The following RCAN2 variants were observed in gnomAD, a reference collection of about 807,000 sequenced individuals.
The protein encoded by RCAN2 is regulator of calcineurin 2.
Under a neutral mutation model 23.6 loss-of-function variants are expected in RCAN2, and 9 were observed. The ratio of observed to expected loss-of-function variants is 0.38; its 90% CI spans 0.23 to 0.67. RCAN2 has a LOEUF of 0.67. Among genes scored for constraint, RCAN2 ranks in the 30% least tolerant of loss-of-function variants. The pLI is 0.51. For missense variants in RCAN2, 273 were observed against 302.3 expected, an observed-to-expected ratio of 0.90 and a Z score of 0.72; for synonymous variants, 109 against 115.7, an observed-to-expected ratio of 0.94 and a Z score of 0.37.
At chr6:46,395,185 C>T (rs373727609) in intron 2 of RCAN2, among the ~76,000 whole-genome samples, 3 of 152,102 alleles carry the variant, frequency 2.0e-5, no homozygotes, top group Non-Finnish European at 4.4e-5. Flanking sequence ...ATTCAGGGTG[C>T]AACTCAGGCA....
At chr6:46,269,880 A>G (rs1767468622) in intron 2 of RCAN2, among the ~76,000 whole-genome samples, 1 of 152,074 alleles carries the variant, frequency 6.6e-6, no homozygotes, top group Non-Finnish European at 1.5e-5. Context: ...CCAGTTCAGG[A>G]TCTTATGTTC....
At chr6:46,437,974 T>G (rs1767421179) in intron 2 of RCAN2, among the ~76,000 whole-genome samples, 1 of 152,148 alleles carries the variant, frequency 6.6e-6, no homozygotes, top group South Asian at 2.1e-4. Context: ...AGGAGAAAAT[T>G]AGGACACATG....
chr6:46,362,470 G>A (rs1765045726), intron 2 of RCAN2, among the ~76,000 whole-genome samples: 1 of 152,058 alleles, frequency 6.6e-6, no homozygotes, highest in Admixed American at 6.5e-5. Context: ...GAAAATGTTA[G>A]TCAATGGGAT....
At chr6:46,363,110 A>T (rs190419283) in intron 2 of RCAN2, among the ~76,000 whole-genome samples, 38 of 152,346 alleles carry the variant, frequency 2.5e-4, no homozygotes, top group Middle Eastern at 3.4e-3. Context: ...CCAGAAGCAT[A>T]AAGTGGGAAT....
At chr6:46,236,880 A>T (rs1408272939) in intron 4 of RCAN2, among the ~76,000 whole-genome samples, 1 of 152,254 alleles carries the variant, frequency 6.6e-6, no homozygotes, top group African/African-American at 2.4e-5. Context: ...AATGCCAGGC[A>T]CAGGAAAGTC....
At chr6:46,381,637 T>C (rs1016029224) in intron 2 of RCAN2, among the ~76,000 whole-genome samples, 4 of 152,114 alleles carry the variant, frequency 2.6e-5, no homozygotes, top group Admixed American at 2.0e-4. Flanking sequence ...ACTATTACTA[T>C]TGGAAAAAAT....
At chr6:46,489,069 T>C (rs1283080614) in intron 1 of RCAN2, among the ~76,000 whole-genome samples, 1 of 152,194 alleles carries the variant, frequency 6.6e-6, no homozygotes, top group African/African-American at 2.4e-5. Flanking sequence ...GTGAAACCTT[T>C]CTAAACATTC....
intron 2 of RCAN2, among the ~76,000 whole-genome samples, chr6:46,276,257 T>C (rs1767698988): frequency 6.6e-6 from 1 of 151,810 alleles, no homozygotes; most frequent in Admixed American, 6.6e-5. Context: ...GGTTGGTGTG[T>C]AGAATTCTAG....
Position 46,269,642 on chromosome 6 carries a change from G to A in RCAN2, c.226-20746C>T, listed in dbSNP as rs115230547. 6.5e-3 allele frequency among the ~76,000 whole-genome samples: 993 copies of A among 152,326 alleles called. 12 individuals are homozygous for A. The highest frequency in any genetic ancestry group is 0.022 in the African/African-American group (933 of 41,566). Reference sequence around the variant, plus strand: ...AGTAAAGACGGCTGGAGGAGTGCCAGCTGCAGCTGTGCAGATACAGGCCTT... The same window carrying A: ...AGTAAAGACGGCTGGAGGAGTGCCAACTGCAGCTGTGCAGATACAGGCCTT... On this transcript the variant is annotated intron_variant, in intron 2 of 4. Transcript: ENST00000371374.
chr6:46,442,307 C>A (rs532567733), intron 2 of RCAN2, among the ~76,000 whole-genome samples: 1 of 152,244 alleles, frequency 6.6e-6, no homozygotes, highest in Admixed American at 6.5e-5. Flanking sequence ...TTTCATGGCC[C>A]CCACGATGGT....
At chr6:46,452,465 C>T (rs1767908113) in intron 2 of RCAN2, among the ~76,000 whole-genome samples, 1 of 152,182 alleles carries the variant, frequency 6.6e-6, no homozygotes, top group Non-Finnish European at 1.5e-5. Flanking sequence ...TACTCCAGGA[C>T]CCAAACTGCC....
chr6:46,424,005 G>A (rs1766963905), intron 2 of RCAN2, among the ~76,000 whole-genome samples: 1 of 152,136 alleles, frequency 6.6e-6, no homozygotes, highest in Admixed American at 6.5e-5. Flanking sequence ...GCAAAAGTGT[G>A]GTTCTCGAAC....
At chr6:46,332,317 T>C (rs1278271866) in intron 2 of RCAN2, among the ~76,000 whole-genome samples, 1 of 152,210 alleles carries the variant, frequency 6.6e-6, no homozygotes, top group Admixed American at 6.5e-5. Context: ...AATCTGATTT[T>C]TTTTATTATA....
At chr6:46,436,430 G>C (rs1314655801) in intron 2 of RCAN2, among the ~76,000 whole-genome samples, 2 of 152,174 alleles carry the variant, frequency 1.3e-5, no homozygotes, top group Admixed American at 1.3e-4. Context: ...GGCCAGGCTG[G>C]TTTCGAACTC....
At chr6:46,351,079 T>C (rs1003418941) in intron 2 of RCAN2, among the ~76,000 whole-genome samples, 6 of 152,220 alleles carry the variant, frequency 3.9e-5, no homozygotes, top group Admixed American at 3.3e-4. Flanking sequence ...CTATTATCAT[T>C]ATATCTATAT....
At chr6:46,227,625 G>A (rs1222461516) in intron 4 of RCAN2, among the ~76,000 whole-genome samples, 1 of 152,158 alleles carries the variant, frequency 6.6e-6, no homozygotes, top group Non-Finnish European at 1.5e-5. Context: ...GGGAATGGTT[G>A]TGATATCCCC....
chr6:46,360,240 A>C (rs1367030202), intron 2 of RCAN2, among the ~76,000 whole-genome samples: 4 of 152,034 alleles, frequency 2.6e-5, no homozygotes, highest in African/African-American at 7.2e-5. Context: ...GTTTAAAGAG[A>C]GCTTGATGTA....
At chr6:46,340,493 A>G (rs1483550685) in intron 2 of RCAN2, among the ~76,000 whole-genome samples, 2 of 152,198 alleles carry the variant, frequency 1.3e-5, no homozygotes. Context: ...TGCTACTTTC[A>G]GCCATAAGAA....
Position 46,319,597 on chromosome 6 carries a change from C to G in RCAN2, c.226-70701G>C, listed in dbSNP as rs149182139. Among the ~76,000 whole-genome samples, 106 of 152,296 alleles carry G rather than the reference C, an allele frequency of 7.0e-4. 1 individual carries two copies. Among genetic ancestry groups the G allele is most frequent in the African/African-American group, 2.5e-3 (102 of 41,552 alleles). Reference sequence around the variant, plus strand: ...TGATAGGTGGCTGAGAAATCTGCCTCTGAACCTTCTCAGGGAGTATCACTT... The same window carrying G: ...TGATAGGTGGCTGAGAAATCTGCCTGTGAACCTTCTCAGGGAGTATCACTT... On this transcript the variant is annotated intron_variant, in intron 2 of 4. Coordinates refer to ENST00000371374, the MANE Select transcript of RCAN2 (RefSeq NM_001251974.2).
Sources: gnomAD v4.1 joint callset for allele counts (sites outside exome capture counted in the v4.1 genomes callset) on GRCh38, gnomAD v4.1.1 for gene constraint, MANE v1.5 for transcripts, NCBI Gene and HGNC (gene_info 2026-07-23, HGNC 2026-07-21) for gene names.